TRAPPC8: variants seen among roughly 807,000 people sequenced by gnomAD.
The protein encoded by TRAPPC8 is general sporulation gene 1 homolog.
In TRAPPC8, 54 loss-of-function variants were observed where a neutral mutation model predicts 174.3. The observed-to-expected ratio is 0.31, with a 90% CI of 0.25 to 0.39. The LOEUF (loss-of-function observed/expected upper bound fraction) is 0.39. TRAPPC8 is among the 10% of genes least tolerant of loss of function. TRAPPC8 has a pLI of 1.00. For missense variants in TRAPPC8, 1,531 were observed against 1,699.1 expected (o/e 0.90, Z 1.74); for synonymous variants, 630 against 579.9 (o/e 1.09, Z -1.24).
rs1016230864 is a variant in TRAPPC8, at chr18:31,909,473, T to C, written c.865+194A>G. Reference sequence around the variant, plus strand: ...TTAAAAGAAATCTATACACTACTCATATAAAACAAATTTTTAAGTGTCAAA... The same window carrying C: ...TTAAAAGAAATCTATACACTACTCACATAAAACAAATTTTTAAGTGTCAAA... On this transcript the variant is annotated intron_variant, in intron 6 of 28. Transcript: ENST00000283351. 1.4e-4 allele frequency: 120 copies of C among 830,796 alleles called. No individual in the cohort carries two copies. The South Asian group carries it at 5.8e-3, about 40-fold the overall frequency. 51.5% of individuals were successfully genotyped at this position (830,796 alleles called of 1,614,324 possible).
chr18:31,880,106 T>TTGA (rs2035361063), intron 12 of TRAPPC8, among the ~76,000 whole-genome samples: 1 of 88,836 alleles, frequency 1.1e-5, no homozygotes, highest in African/African-American at 4.8e-5. Context: ...TATATATATA[T>TTGA]ATATATATAT....
chr18:31,921,478 G>C (rs977069504), intron 2 of TRAPPC8, among the ~76,000 whole-genome samples: 1 of 151,934 alleles, frequency 6.6e-6, no homozygotes, highest in African/African-American at 2.4e-5. Context: ...CTGGGTGGGC[G>C]GGGTGACACA....
At chr18:31,894,836 T>C (rs1181994231) in intron 11 of TRAPPC8, among the ~76,000 whole-genome samples, 2 of 152,178 alleles carry the variant, frequency 1.3e-5, no homozygotes, top group Admixed American at 6.6e-5. Flanking sequence ...AAACTGGTAT[T>C]AGCATCCCTA....
chr18:31,917,781 AAC>A (rs1385333799), intron 2 of TRAPPC8, 114 bp from the exon 3 acceptor site: 2 of 862,826 alleles, frequency 2.3e-6, no homozygotes, highest in Non-Finnish European at 3.7e-6. Flanking sequence ...TCTAACAGTA[AAC>A]AAGCATTTTT....
At chr18:31,867,002 T>C (rs199885937) in intron 17 of TRAPPC8, 27 bp from the exon 18 acceptor site, 33 of 1,609,730 alleles carry the variant, frequency 2.1e-5, no homozygotes, top group East Asian at 6.7e-5. Flanking sequence ...GTCAGTCTTA[T>C]TATGTTTTCA....
chr18:31,875,017 A>G (rs1359694236), intron 12 of TRAPPC8, among the ~76,000 whole-genome samples: 1 of 152,210 alleles, frequency 6.6e-6, no homozygotes, highest in Non-Finnish European at 1.5e-5. Flanking sequence ...CAAAACGTCA[A>G]CTTCAGAGGA....
At chr18:31,842,189 CT>C (rs1247452276) in intron 26 of TRAPPC8, among the ~76,000 whole-genome samples, 3 of 152,166 alleles carry the variant, frequency 2.0e-5, no homozygotes, top group Non-Finnish European at 4.4e-5. Context: ...GTGATTTTAC[CT>C]TTGTCCAAGG....
chr18:31,849,789 C>A, intron 24 of TRAPPC8, 50 bp from the exon 25 acceptor site: 3 of 1,490,734 alleles, frequency 2.0e-6, no homozygotes, highest in Non-Finnish European at 2.7e-6. Flanking sequence ...ATTATGTTGT[C>A]AAAATTTATT....
At chr18:31,831,874 T>G (rs905023717) in intron 28 of TRAPPC8, among the ~76,000 whole-genome samples, 5 of 152,152 alleles carry the variant, frequency 3.3e-5, no homozygotes, top group African/African-American at 1.2e-4. Flanking sequence ...TGGATTTTTT[T>G]TTGTTGTTAA....
At chr18:31,857,409 G>A in intron 20 of TRAPPC8, 131 bp downstream of exon 20, 1 of 833,678 alleles carries the variant, frequency 1.2e-6, no homozygotes, top group Non-Finnish European at 1.7e-6. Context: ...GACAATTTCA[G>A]ATATAAATAT....
At chr18:31,867,988 C>T (rs911648621) in intron 16 of TRAPPC8, among the ~76,000 whole-genome samples, 3 of 152,078 alleles carry the variant, frequency 2.0e-5, no homozygotes, top group Admixed American at 1.3e-4. Flanking sequence ...TTTAATCTTA[C>T]AATAATAGCA....
In TRAPPC8 at chr18:31,874,298, G is replaced by A. The variant is rs559463982; in HGVS notation, c.1953+182C>T. 6.3e-5 allele frequency: 35 copies of A among 559,520 alleles called. No homozygotes were observed. In the Admixed American group the frequency reaches 6.5e-4, roughly 10 times the overall value. The allele number at this position is 559,520 out of a possible 1,614,324, so 34.7% of individuals were successfully genotyped here. A position where few individuals can be genotyped will look rare whatever the true frequency, so the allele number is the denominator to read the frequency against. ...TGTAATATTAAAATTCTCTTTTCAA[G>A]AACTGTGGAAGGGGCAATGTAACCA... On this transcript the variant is annotated intron_variant, in intron 13 of 28. Transcript: ENST00000283351.
intron 16 of TRAPPC8, 59 bp downstream of exon 16, chr18:31,870,312 AC>A: frequency 6.8e-7 from 1 of 1,465,652 alleles, no homozygotes; most frequent in African/African-American, 1.4e-5. Context: ...TTGAAATGTT[AC>A]TACAGCATTT....
At position 31,846,820 on chromosome 18, in the gene TRAPPC8, A is replaced by G; in HGVS notation, c.3736-3T>C. On this transcript the variant is annotated splice_polypyrimidine_tract_variant and splice_region_variant and intron_variant, in intron 25 of 28. Coordinates refer to ENST00000283351, the MANE Select transcript of TRAPPC8 (RefSeq NM_014939.5). ...TTACTGTCTTCCACAACGTATGCCT[A>G]AAAAATGCAAAGTACAAAAACGTTA... The G allele has an allele frequency of 6.2e-7, 1 of 1,606,124 alleles. No homozygotes were observed. The highest frequency in any genetic ancestry group is 8.5e-7 in the Non-Finnish European group (1 of 1,174,742).
chr18:31,942,641 G>C lies in TRAPPC8; in HGVS notation c.124C>G (p.Leu42Val). The C allele has an allele frequency of 6.2e-7, 1 of 1,610,954 alleles. No individual in the cohort carries two copies. Among genetic ancestry groups the C allele is most frequent in the African/African-American group, 1.3e-5 (1 of 74,914 alleles). The change falls in exon 1 of 29, where the codon CTG (leucine) becomes GTG (valine). Residue 42 changes from leucine to valine, a missense_variant. By Grantham distance (32) the Leu-to-Val change is conservative. Transcript: ENST00000283351. ...TRLNHLSFAE[L>V]LKPFSRLTSE... is the part of the protein sequence containing the mutation. ...GTGAGGCGGGAGAAGGGCTTAAGCA[G>C]CTCCGCGAAGCTGAGGTGATTGAGA...
chr18:31,935,458 G>C (rs575653157), intron 1 of TRAPPC8, among the ~76,000 whole-genome samples: 1 of 143,576 alleles, frequency 7.0e-6, no homozygotes, highest in East Asian at 2.2e-4. Flanking sequence ...GGCTGAGGCA[G>C]AACTGCTTGA....
At chr18:31,927,833 A>G (rs1598750931) in intron 2 of TRAPPC8, among the ~76,000 whole-genome samples, 2 of 152,200 alleles carry the variant, frequency 1.3e-5, no homozygotes, top group East Asian at 3.8e-4. Flanking sequence ...TGGCTGCTTG[A>G]GGCCAGTGGT....
chr18:31,889,883 G>A (rs936670734), intron 12 of TRAPPC8, among the ~76,000 whole-genome samples: 3 of 152,062 alleles, frequency 2.0e-5, no homozygotes, highest in African/African-American at 7.2e-5. Flanking sequence ...TTGTACCTTT[G>A]AAATAATGTA....
intron 1 of TRAPPC8, among the ~76,000 whole-genome samples, chr18:31,938,218 C>T (rs187023852): frequency 4.0e-4 from 61 of 152,070 alleles, no homozygotes; most frequent in Admixed American, 2.1e-3. Flanking sequence ...AATATTAATA[C>T]CACGACTCTT....
Sources: gnomAD v4.1 joint callset for allele counts (sites outside exome capture counted in the v4.1 genomes callset) on GRCh38, gnomAD v4.1.1 for gene constraint, MANE v1.5 for transcripts, NCBI Gene and HGNC (gene_info 2026-07-23, HGNC 2026-07-21) for gene names.